The following KIAA1755 variants were observed in gnomAD, a reference collection of about 807,000 sequenced individuals.
The protein encoded by KIAA1755 is KIAA1755, also known as uncharacterized protein KIAA1755.
Under a neutral mutation model 91.7 loss-of-function variants are expected in KIAA1755, and 68 were observed. That is an observed-to-expected ratio of 0.74 (90% CI 0.61 to 0.91). The LOEUF (loss-of-function observed/expected upper bound fraction) is 0.91. Ranked by LOEUF, KIAA1755 falls within the 40% of genes least tolerant of loss-of-function variation. The pLI is 0.00. For missense variants in KIAA1755, 1,535 were observed against 1,494.4 expected (o/e 1.03, Z -0.45); for synonymous variants, 610 against 604.6 (o/e 1.01, Z -0.13).
intron 1 of KIAA1755, among the ~76,000 whole-genome samples, chr20:38,250,235 G>A (rs1180782760): frequency 6.6e-6 from 1 of 152,138 alleles, no homozygotes; most frequent in African/African-American, 2.4e-5. Context: ...GACTGCCCGG[G>A]TTCAAACTCT....
At chr20:38,226,781 AGCTCTGC>A (rs1180451275) in intron 7 of KIAA1755, among the ~76,000 whole-genome samples, 2 of 152,188 alleles carry the variant, frequency 1.3e-5, no homozygotes, top group African/African-American at 4.8e-5. Flanking sequence ...AGGTGACTCC[AGCTCTGC>A]GTCTAGCTTG....
chr20:38,247,560 C>T (rs570851140), intron 1 of KIAA1755, among the ~76,000 whole-genome samples: 6 of 152,302 alleles, frequency 3.9e-5, no homozygotes, highest in South Asian at 2.1e-4. Flanking sequence ...CCTATTACAG[C>T]GGTTCCCATC....
intron 1 of KIAA1755, among the ~76,000 whole-genome samples, chr20:38,259,498 TGTGA>T (rs1424057415): frequency 6.7e-6 from 1 of 150,168 alleles, no homozygotes; most frequent in African/African-American, 2.5e-5. Flanking sequence ...TGTACGTGTG[TGTGA>T]GTGCCTGCGT....
Position 38,219,623 on chromosome 20 carries a change from C to T in KIAA1755, c.2556+7G>A, listed in dbSNP as rs760188983. 8 of 1,613,870 alleles carry T rather than the reference C, an allele frequency of 5.0e-6. No homozygotes were observed. The highest frequency in any genetic ancestry group is 1.7e-5 in the Admixed American group (1 of 60,008). On this transcript the variant is annotated splice_region_variant and intron_variant, in intron 11 of 13. Transcript: ENST00000279024. The stretch of plus-strand genomic sequence containing the variant: ...CCCCCACACCCCAAGCCAGACACCC[C>T]TTTCACCTGGTGAATGGCAGCTTCC...
chr20:38,230,510 C>A (rs2075840745), intron 5 of KIAA1755, among the ~76,000 whole-genome samples: 1 of 152,222 alleles, frequency 6.6e-6, no homozygotes, highest in Admixed American at 6.5e-5. Context: ...TCCCACCCAC[C>A]TTCATCAACT....
rs2076042663 is a variant in KIAA1755, at chr20:38,240,724, A to G, written c.1407T>C (p.Pro469=). The G allele has an allele frequency of 6.4e-7, 1 of 1,569,052 alleles. No individual in the cohort carries two copies. Among genetic ancestry groups the G allele is most frequent in the Non-Finnish European group, 8.6e-7 (1 of 1,158,536 alleles). ...CTCTCAAGAATGAGAATTTGAGCCC[A>G]GGAGTGGGGGGCTCAGGGGAGGAGG... ...RNTSSPEPPT[P]GLKFSFLRGQ... The change falls in exon 3 of 14, where the codon CCT becomes CCC. Residue 469 remains proline, a synonymous_variant. Transcript: ENST00000279024.
rs145870552 is a variant in KIAA1755 at position 38,216,027 on chromosome 20, A to C, written c.2901+1226T>G. Among the ~76,000 whole-genome samples, 10 of 152,260 alleles carry C rather than the reference A, an allele frequency of 6.6e-5. No individual in the cohort carries two copies. The East Asian group carries it at 1.9e-3, about 29-fold the overall frequency. Reference sequence around the variant, plus strand: ...TGTTTCCTTAGGTGGAAATGGGCATAATAGTAGTACCTGTCTCATAGGATC... The same window carrying C: ...TGTTTCCTTAGGTGGAAATGGGCATCATAGTAGTACCTGTCTCATAGGATC... On this transcript the variant is annotated intron_variant, in intron 13 of 13. Transcript: ENST00000279024.
chr20:38,236,102 T>TA (rs145095785), intron 4 of KIAA1755, among the ~76,000 whole-genome samples: 2,803 of 152,250 alleles, frequency 0.018, 76 homozygotes, highest in African/African-American at 0.06. Context: ...GAATACAATT[T>TA]AATGGGAGAG....
chr20:38,221,501 G>A (rs1042114026), intron 10 of KIAA1755, among the ~76,000 whole-genome samples: 2 of 152,148 alleles, frequency 1.3e-5, no homozygotes, highest in African/African-American at 4.8e-5. Context: ...TCAAGATTCT[G>A]GGACCAGACT....
At chr20:38,221,585 C>T (rs950785780) in intron 10 of KIAA1755, among the ~76,000 whole-genome samples, 1 of 152,186 alleles carries the variant, frequency 6.6e-6, no homozygotes, top group African/African-American at 2.4e-5. Context: ...TTCTCTGAGC[C>T]TCAGGTTCCT....
rs866928531 is a variant in KIAA1755 at position 38,222,390 on chromosome 20, C to G, written c.2417+59G>C. On this transcript the variant is annotated intron_variant, in intron 10 of 13. Transcript: ENST00000279024. The stretch of plus-strand genomic sequence containing the variant: ...TGCCCTAGGTGGTGTGGTCCCAGCT[C>G]CAAGCTCCTGGGCCAGAAACAGGAT... The G allele has an allele frequency of 2.7e-5, 42 of 1,568,660 alleles. 1 individual carries two copies. The highest frequency in any genetic ancestry group is 3.6e-5 in the Non-Finnish European group (41 of 1,153,666).
intron 5 of KIAA1755, among the ~76,000 whole-genome samples, chr20:38,230,082 G>C (rs535075922): frequency 1.3e-5 from 2 of 152,322 alleles, no homozygotes; most frequent in South Asian, 4.1e-4. Flanking sequence ...GTCCTGAGCA[G>C]CATCCCCTCT....
Position 38,222,505 on chromosome 20 carries a change from GGCTCCAC to G in KIAA1755, c.2354_2360del (p.Gly785AlafsTer82). ...CATCATGCTGCAGCCTGGCCAGGGTGGCTCCACCTTCCCGCTGGAGGCCCAGTAGGCC... is the reference window on the plus strand; with the variant it reads ...CATCATGCTGCAGCCTGGCCAGGGTGCTTCCCGCTGGAGGCCCAGTAGGCC... On this transcript the variant is annotated frameshift_variant, in exon 10 of 14. Transcript: ENST00000279024. LOFTEE classifies it high-confidence loss of function. 1 of 1,613,842 alleles carries G rather than the reference GGCTCCAC, an allele frequency of 6.2e-7. No individual in the cohort carries two copies. Among genetic ancestry groups the G allele is most frequent in the Non-Finnish European group, 8.5e-7 (1 of 1,180,012 alleles).
chr20:38,245,693 T>C (rs748093230), intron 2 of KIAA1755, among the ~76,000 whole-genome samples: 52 of 152,180 alleles, frequency 3.4e-4, no homozygotes, highest in Non-Finnish European at 6.3e-4. Flanking sequence ...CAGGCCTTCT[T>C]CTCTGCTGGT....
intron 5 of KIAA1755, among the ~76,000 whole-genome samples, chr20:38,230,654 C>A (rs914079923): frequency 2.0e-5 from 3 of 152,134 alleles, no homozygotes; most frequent in Admixed American, 1.3e-4. Context: ...TTTGGGAGGC[C>A]GAGGTGGGTG....
At chr20:38,213,852 C>T (rs766036310) in intron 13 of KIAA1755, 109 bp from the exon 14 acceptor site, 6 of 732,612 alleles carry the variant, frequency 8.2e-6, no homozygotes, top group Non-Finnish European at 1.3e-5. Context: ...TGGCCATGAT[C>T]TTCTCCACTG....
chr20:38,237,022 C>T (rs1206677583), intron 4 of KIAA1755: 1 of 152,116 alleles, frequency 6.6e-6, no homozygotes, highest in East Asian at 2.0e-4. Flanking sequence ...TCAGGGTCAG[C>T]CTCAGGCACA....
chr20:38,240,781 A>G lies in KIAA1755; in HGVS notation c.1350T>C (p.Leu450=). ...EVKTKERNGR[L]PKPMPCPSRN... ...TGCTAGGGCAGGGCATGGGCTTGGG[A>G]AGTCTCCCATTTCTCTCTTTGGTCT... Residue 450 remains leucine (L), a synonymous_variant, in exon 3 of 14, where the codon CTT becomes CTC. Coordinates refer to ENST00000279024, the MANE Select transcript of KIAA1755 (RefSeq NM_001029864.2). 1 of 1,606,538 alleles carries G rather than the reference A, an allele frequency of 6.2e-7. No homozygotes were observed. Among genetic ancestry groups the G allele is most frequent in the Non-Finnish European group, 8.5e-7 (1 of 1,176,144 alleles).
intron 8 of KIAA1755, 42 bp downstream of exon 8, chr20:38,225,620 GAGA>G (rs776746600): frequency 1.7e-6 from 2 of 1,151,018 alleles, no homozygotes; most frequent in Non-Finnish European, 2.6e-6. Flanking sequence ...AAGAGAAGAA[GAGA>G]AGGAGTGGGG....
Sources: allele counts gnomAD v4.1 joint callset (sites outside exome capture counted in the v4.1 genomes callset), GRCh38; gene constraint gnomAD v4.1.1; transcripts MANE v1.5; gene names NCBI Gene and HGNC (gene_info 2026-07-23, HGNC 2026-07-21).